The following MYOZ2 variants were observed in gnomAD, a reference collection of about 807,000 sequenced individuals.
The protein encoded by MYOZ2 is myozenin 2, also known as myozenin-2.
In MYOZ2, 19 loss-of-function variants were observed where a neutral mutation model predicts 25.4. The ratio of observed to expected loss-of-function variants is 0.75; its 90% confidence interval spans 0.52 to 1.10. The LOEUF (loss-of-function observed/expected upper bound fraction) is 1.10. Ranked by LOEUF, MYOZ2 falls within the 50% of genes least tolerant of loss-of-function variation. MYOZ2 has a pLI of 0.00. For synonymous variants in MYOZ2, 92 were observed against 106.9 expected, an observed-to-expected ratio of 0.86 and a Z score of 0.86; for missense variants, 270 against 317.9, an observed-to-expected ratio of 0.85 and a Z score of 1.15.
intron 3 of MYOZ2, among the ~76,000 whole-genome samples, chr4:119,155,289 A>G (rs1046639777): frequency 6.6e-6 from 1 of 152,182 alleles, no homozygotes; most frequent in Non-Finnish European, 1.5e-5. Context: ...CAAATATCCA[A>G]ATCACATCAG....
At chr4:119,158,644 C>T (rs1284317542) in intron 4 of MYOZ2, among the ~76,000 whole-genome samples, 4 of 152,086 alleles carry the variant, frequency 2.6e-5, no homozygotes, top group East Asian at 3.8e-4. Flanking sequence ...AGTAGCCATA[C>T]GTTCTTTGTT....
At chr4:119,136,749 C>A in intron 2 of MYOZ2, 148 bp downstream of exon 2, 1 of 803,968 alleles carries the variant, frequency 1.2e-6, no homozygotes. Flanking sequence ...TGTAGAAAAG[C>A]CTATGGTAAC....
intron 5 of MYOZ2, among the ~76,000 whole-genome samples, chr4:119,173,807 G>A (rs991968806): frequency 6.6e-6 from 1 of 152,178 alleles, no homozygotes. Flanking sequence ...AGCGGGAACC[G>A]GGGCTGCGTG....
rs1350226346 is a variant in MYOZ2, at chr4:119,186,392, C to T, written c.*192C>T. 2.1e-5 allele frequency: 12 copies of T among 579,248 alleles called. No homozygotes were observed. The South Asian group carries it at 2.7e-4, about 13-fold the overall frequency. 35.9% of individuals were successfully genotyped at this position (579,248 alleles called of 1,614,324 possible). A position where few individuals can be genotyped will look rare whatever the true frequency, so the allele number is the denominator to read the frequency against. ...CAATTAGAAATCTTACTTTAAAAAACTTATAACTCACTTGTCTTCATTCAT... is the reference window on the plus strand; with the variant it reads ...CAATTAGAAATCTTACTTTAAAAAATTTATAACTCACTTGTCTTCATTCAT... On this transcript the variant is annotated 3_prime_UTR_variant, in exon 6 of 6. Transcript: ENST00000307128.
At chr4:119,151,113 T>A in intron 3 of MYOZ2, 72 bp downstream of exon 3, 1 of 1,445,570 alleles carries the variant, frequency 6.9e-7, no homozygotes, top group Non-Finnish European at 9.7e-7. Context: ...ATGACTAGTT[T>A]CTGAAGGAAG....
At chr4:119,175,742 G>A (rs562065989) in intron 5 of MYOZ2, among the ~76,000 whole-genome samples, 3 of 144,828 alleles carry the variant, frequency 2.1e-5, no homozygotes, top group Non-Finnish European at 4.5e-5. Context: ...ACAGCGTGAG[G>A]CTCCATCTTA....
intron 3 of MYOZ2, 120 bp downstream of exon 3, chr4:119,151,161 T>A (rs1302049230): frequency 9.5e-7 from 1 of 1,049,878 alleles, no homozygotes; most frequent in Non-Finnish European, 1.3e-6. Flanking sequence ...TCTGTTAGGC[T>A]ATTTTTTTTT....
At chr4:119,155,031 C>A (rs553277454) in intron 3 of MYOZ2, among the ~76,000 whole-genome samples, 2 of 152,026 alleles carry the variant, frequency 1.3e-5, no homozygotes, top group East Asian at 3.9e-4. Context: ...TGGTAAGGGC[C>A]CCTGGAAACT....
intron 2 of MYOZ2, among the ~76,000 whole-genome samples, chr4:119,145,538 GTGTGTGTGTGTT>G (rs1394858363): frequency 1.0e-4 from 15 of 143,452 alleles, no homozygotes; most frequent in Admixed American, 5.1e-4. Flanking sequence ...GTGTGTGTGT[GTGTGTGTGTGTT>G]TTTGGTAGAG....
At chr4:119,144,875 G>A (rs1428856524) in intron 2 of MYOZ2, among the ~76,000 whole-genome samples, 1 of 152,070 alleles carries the variant, frequency 6.6e-6, no homozygotes, top group Non-Finnish European at 1.5e-5. Flanking sequence ...TGAAAATATT[G>A]TTTCCCATTC....
intron 5 of MYOZ2, among the ~76,000 whole-genome samples, chr4:119,168,625 CT>C (rs1305879432): frequency 6.6e-6 from 1 of 151,984 alleles, no homozygotes; most frequent in East Asian, 1.9e-4. Context: ...ACAACTAAAG[CT>C]AGAAGTGGAG....
intron 4 of MYOZ2, among the ~76,000 whole-genome samples, chr4:119,162,351 G>A (rs1741728253): frequency 1.3e-5 from 2 of 152,218 alleles, no homozygotes; most frequent in Non-Finnish European, 2.9e-5. Flanking sequence ...TGTCCTGGGA[G>A]GCATTAGGGT....
At chr4:119,144,676 A>G (rs1741246884) in intron 2 of MYOZ2, among the ~76,000 whole-genome samples, 2 of 152,082 alleles carry the variant, frequency 1.3e-5, no homozygotes, top group Admixed American at 1.3e-4. Flanking sequence ...TGTGATTTTA[A>G]TTTGCATTTC....
At chr4:119,172,153 T>A (rs939503668) in intron 5 of MYOZ2, among the ~76,000 whole-genome samples, 1 of 152,186 alleles carries the variant, frequency 6.6e-6, no homozygotes, top group Non-Finnish European at 1.5e-5. Flanking sequence ...TCAAATAATA[T>A]TTCATTAAAC....
chr4:119,181,513 T>G (rs567095460), intron 5 of MYOZ2, among the ~76,000 whole-genome samples: 3 of 152,340 alleles, frequency 2.0e-5, no homozygotes, highest in African/African-American at 7.2e-5. Context: ...GTCTTCTCAG[T>G]AGATTACAAG....
rs546815244 is a variant in MYOZ2, at chr4:119,156,224, G to A, written c.247-1798G>A. Among the ~76,000 whole-genome samples the A allele has an allele frequency of 4.0e-4, 60 of 151,750 alleles. No homozygotes were observed. The South Asian group carries it at 7.3e-3, about 19-fold the overall frequency. Reference sequence around the variant, plus strand: ...GCCGACCATGGTAATGACGGAGAGGGGTCCTCTTGCTAGGGGAACTCCTAT... The same window carrying A: ...GCCGACCATGGTAATGACGGAGAGGAGTCCTCTTGCTAGGGGAACTCCTAT... On this transcript the variant is annotated intron_variant, in intron 3 of 5. Coordinates refer to ENST00000307128, the MANE Select transcript of MYOZ2 (RefSeq NM_016599.5).
intron 5 of MYOZ2, among the ~76,000 whole-genome samples, chr4:119,185,556 C>G (rs1299571457): frequency 6.6e-6 from 1 of 152,170 alleles, no homozygotes. Flanking sequence ...CTCAGGTGAT[C>G]CTCCTGCCTC....
chr4:119,158,228 T>TA (rs1217149658), intron 4 of MYOZ2, 77 bp downstream of exon 4: 24 of 1,539,288 alleles, frequency 1.6e-5, no homozygotes, highest in Non-Finnish European at 2.1e-5. Context: ...TTAAAGCCTT[T>TA]ATTGAATAGT....
At chr4:119,175,666 G>C (rs12513191) in intron 5 of MYOZ2, among the ~76,000 whole-genome samples, 52,589 of 151,606 alleles carry the variant, frequency 0.35, 10,371 homozygotes, top group East Asian at 0.52. Context: ...GCAGGAGACT[G>C]GTTTGAACCC....
Sources: gnomAD v4.1 joint callset for allele counts (sites outside exome capture counted in the v4.1 genomes callset) on GRCh38, gnomAD v4.1.1 for gene constraint, MANE v1.5 for transcripts, NCBI Gene and HGNC (gene_info 2026-07-23, HGNC 2026-07-21) for gene names.